PPEF2: variants seen among roughly 807,000 people sequenced by gnomAD.
PPEF2 encodes the protein serine/threonine-protein phosphatase with EF-hands 2.
In PPEF2, 84 loss-of-function variants were observed where a neutral mutation model predicts 84.7. That is an observed-to-expected ratio of 0.99 (90% CI 0.83 to 1.19). The LOEUF (loss-of-function observed/expected upper bound fraction) is 1.19, where lower values mean the gene tolerates loss of function less well. PPEF2 is among the 50% of genes most tolerant of loss of function. The probability of loss-of-function intolerance (pLI) is 0.00; values close to 1 mark genes in which losing one functional copy is unlikely to be tolerated. For synonymous variants in PPEF2, 346 were observed against 345.2 expected, an observed-to-expected ratio of 1.00 and a Z score of -0.03; for missense variants, 924 against 937.5, an observed-to-expected ratio of 0.99 and a Z score of 0.19.
rs1395828213 is a variant in PPEF2 at position 75,872,908 on chromosome 4, C to T, written c.1506+219G>A. 3.3e-5 allele frequency among the ~76,000 whole-genome samples: 5 copies of T among 152,202 alleles called. No homozygotes were observed. In the East Asian group the frequency reaches 9.6e-4, roughly 29 times the overall value. On this transcript the variant is annotated intron_variant, in intron 12 of 16. Transcript: ENST00000286719. ...TAAAATGGGACCATGTCAGTCAGGG[C>T]ATTGGTGGACAGTGGCCTTAATCAA...
In PPEF2 at chr4:75,883,040, A is replaced by ATCTTGCAG; in HGVS notation, c.811_818dup (p.Val274CysfsTer13). ...TGGCCAGTGGAAGCCAACAGAAAAC[A>ATCTTGCAG]TCTTGCAGGGTTCTTAGTATTTCCT... On this transcript the variant is annotated frameshift_variant, in exon 10 of 17. Transcript: ENST00000286719. LOFTEE classifies it high-confidence loss of function. The ATCTTGCAG allele has an allele frequency of 1.9e-6, 3 of 1,614,192 alleles. No homozygotes were observed. Among genetic ancestry groups the ATCTTGCAG allele is most frequent in the Non-Finnish European group, 2.5e-6 (3 of 1,180,020 alleles).
chr4:75,899,892 C>T (rs191118735), intron 1 of PPEF2, among the ~76,000 whole-genome samples: 1 of 152,276 alleles, frequency 6.6e-6, no homozygotes, highest in East Asian at 1.9e-4. Context: ...AACTTGCCTG[C>T]ATAGCCAAGT....
At chr4:75,897,891 T>G (rs1725043682) in intron 1 of PPEF2, among the ~76,000 whole-genome samples, 2 of 151,852 alleles carry the variant, frequency 1.3e-5, no homozygotes. Flanking sequence ...CACACAGAAA[T>G]ATAGAGGTGC....
rs34155925 is a variant in PPEF2, at chr4:75,867,411, C to T, written c.1658G>A (p.Arg553Lys). ...AGCTCTCAGAGCCGACTCCTCCACT[C>T]TGCTAATCCTGGGACAGGAGATGAA... ...HTLTMRQRIS[R>K]VEESALRALR... The change falls in exon 14 of 17, where the codon AGA (arginine) becomes AAA (lysine). Residue 553 changes from arginine (R) to lysine (K), a missense_variant. Arg to Lys is a conservative substitution (Grantham distance 26, BLOSUM62 2). Coordinates refer to ENST00000286719, the MANE Select transcript of PPEF2 (RefSeq NM_006239.3). 0.023 allele frequency: 36,577 copies of T among 1,612,454 alleles called. 6,498 individuals carry two copies. In the African/African-American group the frequency reaches 0.41, roughly 18 times the overall value.
At chr4:75,880,937 C>CT (rs746879974) in intron 10 of PPEF2, among the ~76,000 whole-genome samples, 1 of 148,388 alleles carries the variant, frequency 6.7e-6, no homozygotes, top group Non-Finnish European at 1.5e-5. Context: ...GTAGCTGGGA[C>CT]TACAGGCGCA....
intron 13 of PPEF2, among the ~76,000 whole-genome samples, chr4:75,871,610 A>G (rs1724282134): frequency 6.6e-6 from 1 of 152,126 alleles, no homozygotes; most frequent in South Asian, 2.1e-4. Context: ...AGCTGGGACT[A>G]CAAGAGTACG....
intron 1 of PPEF2, among the ~76,000 whole-genome samples, chr4:75,899,539 C>T (rs1285640699): frequency 1.3e-5 from 2 of 152,192 alleles, no homozygotes; most frequent in African/African-American, 4.8e-5. Context: ...TTCTACCCCA[C>T]TCTCCTCCGC....
rs2149218731 is a variant in PPEF2 at position 75,876,609 on chromosome 4, C to T, written c.998G>A (p.Arg333Lys). Residue 333 changes from arginine to lysine, a missense_variant, in exon 11 of 17, where the codon AGA becomes AAA. Arg to Lys is a conservative substitution (Grantham distance 26). Coordinates refer to ENST00000286719, the MANE Select transcript of PPEF2 (RefSeq NM_006239.3). ...KSEKQMEEKR[R>K]ANQKSSAQGP... ...CTGTGCAGAGCTCTTCTGGTTGGCT[C>T]TTCTCTTCTCCTCCATCTGCTTCTC... 1.2e-6 allele frequency: 2 copies of T among 1,605,094 alleles called. No individual in the cohort carries two copies. Among genetic ancestry groups the T allele is most frequent in the Non-Finnish European group, 1.7e-6 (2 of 1,176,036 alleles).
intron 10 of PPEF2, among the ~76,000 whole-genome samples, chr4:75,879,484 C>T (rs961092716): frequency 4.6e-5 from 7 of 152,160 alleles, no homozygotes; most frequent in Non-Finnish European, 8.8e-5. Context: ...ATTGTGCCTT[C>T]TGCTTTCAAT....
intron 1 of PPEF2, among the ~76,000 whole-genome samples, chr4:75,897,133 G>C (rs985711252): frequency 3.3e-5 from 5 of 152,078 alleles, no homozygotes; most frequent in African/African-American, 1.2e-4. Flanking sequence ...GATTACAGGC[G>C]TGAGCCACTG....
In PPEF2 at chr4:75,876,530, A is replaced by T; in HGVS notation, c.1077T>A (p.Leu359=). 1 of 1,614,078 alleles carries T rather than the reference A, an allele frequency of 6.2e-7. No individual in the cohort carries two copies. Among genetic ancestry groups the T allele is most frequent in the Non-Finnish European group, 8.5e-7 (1 of 1,179,990 alleles). ...PESRSLPSSP[L]RLGSYKAQKT... ...TCTGGGCCTTGTAGGAGCCAAGCCG[A>T]AGGGGCGAAGAGGGAAGAGAGCGGC... The change falls in exon 11 of 17, where the codon CTT becomes CTA. Residue 359 remains leucine, a synonymous_variant. Transcript: ENST00000286719.
In PPEF2 at chr4:75,884,749, C is replaced by A. The variant is rs1976518; in HGVS notation, c.591G>T (p.Pro197=). 4 of 1,586,390 alleles carry A rather than the reference C, an allele frequency of 2.5e-6. No homozygotes were observed. Among genetic ancestry groups the A allele is most frequent in the Non-Finnish European group, 3.4e-6 (4 of 1,170,582 alleles). ...LIFIFYKNGL[P]SPERSYVFNG... The stretch of plus-strand genomic sequence containing the variant: ...TGAACACATATGACCGTTCTGGCGA[C>A]GGGAGGCCATTCTTTTCAACAAGGA... Residue 197 remains proline, a synonymous_variant, in exon 8 of 17, where the codon CCG becomes CCT. Transcript: ENST00000286719.
Position 75,899,392 on chromosome 4 carries a change from C to T in PPEF2, c.-59+2838G>A, listed in dbSNP as rs561050748. On this transcript the variant is annotated intron_variant, in intron 1 of 16. Coordinates refer to ENST00000286719, the MANE Select transcript of PPEF2 (RefSeq NM_006239.3). Reference sequence around the variant, plus strand: ...ATACACCCAAAGTGTAGTGGGATTGCTGGATCATTATGCCATATTTCTTTT... The same window carrying T: ...ATACACCCAAAGTGTAGTGGGATTGTTGGATCATTATGCCATATTTCTTTT... Among the ~76,000 whole-genome samples the T allele has an allele frequency of 3.3e-5, 5 of 152,230 alleles. No individual in the cohort carries two copies. In the South Asian group the frequency reaches 8.3e-4, roughly 25 times the overall value.
chr4:75,861,767 T>C (rs71629028), intron 16 of PPEF2, among the ~76,000 whole-genome samples: 138,306 of 139,798 alleles, frequency 0.99, 68,433 homozygotes, highest in Non-Finnish European at 1. Flanking sequence ...CCGCCACCAC[T>C]CCCGGCTAAT....
At chr4:75,892,894 A>AGCTGGATTAGAAATCCTGCAG (rs545057233) in intron 2 of PPEF2, among the ~76,000 whole-genome samples, 2 of 152,214 alleles carry the variant, frequency 1.3e-5, no homozygotes, top group African/African-American at 2.4e-5. Flanking sequence ...TTGTGGATAA[A>AGCTGGATTAGAAATCCTGCAG]GCTGGATTAG....
chr4:75,878,126 G>A (rs1309555771), intron 10 of PPEF2, among the ~76,000 whole-genome samples: 1 of 152,196 alleles, frequency 6.6e-6, no homozygotes, highest in Non-Finnish European at 1.5e-5. Flanking sequence ...CTTACCTGTT[G>A]GGGAAGGACA....
chr4:75,897,901 C>G (rs553030570), intron 1 of PPEF2, among the ~76,000 whole-genome samples: 1 of 152,080 alleles, frequency 6.6e-6, no homozygotes, highest in Non-Finnish European at 1.5e-5. Flanking sequence ...TATAGAGGTG[C>G]GAAGTGGGAA....
Position 75,890,142 on chromosome 4 carries a change from A to T in PPEF2, c.242-10T>A. ...CGGGTCAGGAAGTCCCCTAGTCCAG[A>T]TAGAAAAGGTGGATCAGCTTATGAT... On this transcript the variant is annotated splice_polypyrimidine_tract_variant and intron_variant, in intron 4 of 16. Transcript: ENST00000286719. 6.2e-7 allele frequency: 1 copy of T among 1,613,572 alleles called. No homozygotes were observed. The highest frequency in any genetic ancestry group is 2.2e-5 in the East Asian group (1 of 44,862).
At chr4:75,892,196 TG>T (rs1478979120) in intron 2 of PPEF2, among the ~76,000 whole-genome samples, 17 of 152,340 alleles carry the variant, frequency 1.1e-4, no homozygotes, top group Non-Finnish European at 1.9e-4. Context: ...TCCTGCCTGA[TG>T]GTTATACTCA....
Sources: gnomAD v4.1 joint callset for allele counts (sites outside exome capture counted in the v4.1 genomes callset) on GRCh38, gnomAD v4.1.1 for gene constraint, MANE v1.5 for transcripts, NCBI Gene and HGNC (gene_info 2026-07-23, HGNC 2026-07-21) for gene names.